AUTS2: variants seen among roughly 807,000 people sequenced by gnomAD.
AUTS2 encodes the protein activator of transcription and developmental regulator AUTS2.
A neutral mutation model predicts 112.4 loss-of-function variants in AUTS2; 17 were observed. That is an observed-to-expected ratio of 0.15 (90% CI 0.10 to 0.23). The LOEUF (loss-of-function observed/expected upper bound fraction) is 0.23. AUTS2 is among the 10% of genes least tolerant of loss of function. The pLI is 1.00. For missense variants in AUTS2, 1,510 were observed against 1,701.6 expected, an observed-to-expected ratio of 0.89 and a Z score of 1.98; for synonymous variants, 751 against 702.7, an observed-to-expected ratio of 1.07 and a Z score of -1.09.
chr7:70,576,527 T>A (rs1182948602), intron 5 of AUTS2, among the ~76,000 whole-genome samples: 1 of 152,184 alleles, frequency 6.6e-6, no homozygotes, highest in Non-Finnish European at 1.5e-5. Flanking sequence ...GATTTGTCCA[T>A]ACATACAGCT....
rs371052070 is a variant in AUTS2 at position 69,743,360 on chromosome 7, TG to T, written c.309+143399del. Among the ~76,000 whole-genome samples the T allele has an allele frequency of 3.1e-4, 47 of 152,316 alleles. No individual in the cohort carries two copies. The South Asian group carries it at 6.4e-3, about 21-fold the overall frequency. The stretch of plus-strand genomic sequence containing the variant: ...AGGGCTTCCTTCTGTACCATATTGT[TG>T]ACTTTCAGAATAAAAAATACATTGT... On this transcript the variant is annotated intron_variant, in intron 1 of 18. Coordinates refer to ENST00000342771, the MANE Select transcript of AUTS2 (RefSeq NM_015570.4).
chr7:70,509,383 G>A (rs931551436), intron 5 of AUTS2, among the ~76,000 whole-genome samples: 1 of 152,190 alleles, frequency 6.6e-6, no homozygotes, highest in African/African-American at 2.4e-5. Flanking sequence ...TTGGGAGGAA[G>A]GTTGGGAAAG....
intron 4 of AUTS2, among the ~76,000 whole-genome samples, chr7:70,244,999 A>G (rs1812819991): frequency 6.6e-6 from 1 of 151,514 alleles, no homozygotes; most frequent in Non-Finnish European, 1.5e-5. Context: ...GCATGCCTGT[A>G]ATCCCAGCTA....
At chr7:70,751,784 G>T (rs937297964) in intron 6 of AUTS2, among the ~76,000 whole-genome samples, 7 of 151,992 alleles carry the variant, frequency 4.6e-5, no homozygotes, top group Admixed American at 4.6e-4. Context: ...GCAGTGGGAC[G>T]ATCTCGGCTC....
chr7:69,789,772 G>T (rs964062839), intron 1 of AUTS2, among the ~76,000 whole-genome samples: 1 of 152,022 alleles, frequency 6.6e-6, no homozygotes, highest in Non-Finnish European at 1.5e-5. Flanking sequence ...TGTTGTCTTG[G>T]GGGGATGCCA....
In AUTS2 at chr7:70,114,105, A is replaced by G. The variant is rs1240910441; in HGVS notation, c.523-4027A>G. On this transcript the variant is annotated intron_variant, in intron 2 of 18. Coordinates refer to ENST00000342771, the MANE Select transcript of AUTS2 (RefSeq NM_015570.4). ...ATTACTGCCACTCATGCCAGATACC[A>G]GCTGGCTTTCATTTTGCATATTTTG... Among the ~76,000 whole-genome samples, 3 of 152,244 alleles carry G rather than the reference A, an allele frequency of 2.0e-5. No individual in the cohort carries two copies. In the East Asian group the frequency reaches 5.8e-4, roughly 29 times the overall value.
chr7:70,537,342 C>A (rs1383517547), intron 5 of AUTS2, among the ~76,000 whole-genome samples: 2 of 152,164 alleles, frequency 1.3e-5, no homozygotes, highest in Non-Finnish European at 2.9e-5. Flanking sequence ...GCTGTTAAAT[C>A]AAAATTTTAG....
intron 2 of AUTS2, among the ~76,000 whole-genome samples, chr7:70,092,449 A>G (rs1803969875): frequency 6.6e-6 from 1 of 152,194 alleles, no homozygotes. Flanking sequence ...ATATACTGGA[A>G]GTCCTGCCAA....
intron 2 of AUTS2, among the ~76,000 whole-genome samples, chr7:70,044,473 A>T (rs190681329): frequency 9.1e-4 from 139 of 152,172 alleles, no homozygotes; most frequent in African/African-American, 3.2e-3. Flanking sequence ...ACTAACAGTC[A>T]ATTGCTTTTT....
intron 4 of AUTS2, among the ~76,000 whole-genome samples, chr7:70,431,540 C>T (rs1795672386): frequency 6.6e-6 from 1 of 152,162 alleles, no homozygotes; most frequent in Admixed American, 6.5e-5. Flanking sequence ...CGCGTGCCAC[C>T]ACGCCCGGCT....
At chr7:70,051,459 G>A (rs1360557100) in intron 2 of AUTS2, among the ~76,000 whole-genome samples, 1 of 152,204 alleles carries the variant, frequency 6.6e-6, no homozygotes, top group Non-Finnish European at 1.5e-5. Context: ...GCTCACACCT[G>A]TAATCCCTGC....
intron 1 of AUTS2, among the ~76,000 whole-genome samples, chr7:69,860,490 CT>C (rs772878383): frequency 4.6e-5 from 7 of 152,132 alleles, no homozygotes; most frequent in Non-Finnish European, 1.0e-4. Context: ...TCCTTGTGCT[CT>C]TTTCCAACAT....
At chr7:70,282,729 G>A (rs571068126) in intron 4 of AUTS2, among the ~76,000 whole-genome samples, 1 of 152,310 alleles carries the variant, frequency 6.6e-6, no homozygotes, top group South Asian at 2.1e-4. Context: ...GAGCAAGCTA[G>A]CACACTTGCC....
At chr7:69,961,586 G>A (rs939192558) in intron 2 of AUTS2, among the ~76,000 whole-genome samples, 3 of 152,002 alleles carry the variant, frequency 2.0e-5, no homozygotes, top group Non-Finnish European at 4.4e-5. Context: ...TCTTTTTATA[G>A]CAATGAAAGT....
At chr7:70,016,575 C>G (rs923546038) in intron 2 of AUTS2, among the ~76,000 whole-genome samples, 7 of 152,054 alleles carry the variant, frequency 4.6e-5, no homozygotes, top group African/African-American at 1.7e-4. Context: ...TCTTGTTTCA[C>G]TTGCTCTTAT....
At position 70,655,694 on chromosome 7, in the gene AUTS2, T is replaced by C. The variant is rs1456077057; in HGVS notation, c.691-42875T>C. Among the ~76,000 whole-genome samples the C allele has an allele frequency of 2.0e-5, 3 of 152,302 alleles. No individual in the cohort carries two copies. The East Asian group carries it at 5.8e-4, about 29-fold the overall frequency. On this transcript the variant is annotated intron_variant, in intron 5 of 18. Transcript: ENST00000342771. ...GCATAGGGGAAAGAGATTGCCGTTA[T>C]TGGCTTAGACCAATCACTACCTTCC...
At chr7:70,433,806 G>A (rs532845260) in intron 4 of AUTS2, among the ~76,000 whole-genome samples, 14 of 152,294 alleles carry the variant, frequency 9.2e-5, no homozygotes, top group Admixed American at 5.2e-4. Context: ...ACTACGGAGT[G>A]CTTAGTCTGA....
chr7:70,669,705 C>A (rs1807537345), intron 5 of AUTS2, among the ~76,000 whole-genome samples: 1 of 152,174 alleles, frequency 6.6e-6, no homozygotes, highest in Non-Finnish European at 1.5e-5. Context: ...CTTGTCTCTC[C>A]TTTGAGAGTT....
At chr7:69,696,201 A>G (rs988753230) in intron 1 of AUTS2, among the ~76,000 whole-genome samples, 27 of 152,112 alleles carry the variant, frequency 1.8e-4, no homozygotes, top group Non-Finnish European at 2.9e-5. Context: ...GTGCACCTCT[A>G]GCAGCTGCAT....
Sources: allele counts gnomAD v4.1 joint callset (sites outside exome capture counted in the v4.1 genomes callset), GRCh38; gene constraint gnomAD v4.1.1; transcripts MANE v1.5; gene names NCBI Gene and HGNC (gene_info 2026-07-23, HGNC 2026-07-21).